The following CCDC138 variants were observed in gnomAD, a reference collection of about 807,000 sequenced individuals.
CCDC138 encodes the protein coiled-coil domain containing 138.
Under a neutral mutation model 82.3 loss-of-function variants are expected in CCDC138, and 66 were observed. The ratio of observed to expected loss-of-function variants is 0.80; its 90% CI spans 0.66 to 0.98. CCDC138 has a LOEUF of 0.98. Ranked by LOEUF, CCDC138 falls within the 50% of genes least tolerant of loss-of-function variation. The probability of loss-of-function intolerance (pLI) is 0.00; values close to 1 mark genes in which losing one functional copy is unlikely to be tolerated. For synonymous variants in CCDC138, 297 were observed against 265.4 expected (o/e 1.12, Z -1.16); for missense variants, 816 against 758.9 (o/e 1.08, Z -0.88).
chr2:108,840,952 C>T (rs1324415307), intron 11 of CCDC138, among the ~76,000 whole-genome samples: 1 of 152,116 alleles, frequency 6.6e-6, no homozygotes, highest in African/African-American at 2.4e-5. Flanking sequence ...GCTGGGATTA[C>T]AGATGCCCAC....
chr2:108,822,151 G>C (rs1022263410), intron 10 of CCDC138, among the ~76,000 whole-genome samples: 5 of 152,190 alleles, frequency 3.3e-5, no homozygotes, highest in African/African-American at 1.2e-4. Flanking sequence ...GAAAAGACTA[G>C]TAGTAGTAAT....
intron 13 of CCDC138, among the ~76,000 whole-genome samples, chr2:108,860,904 G>A (rs970479361): frequency 1.5e-5 from 2 of 129,434 alleles, no homozygotes; most frequent in African/African-American, 5.6e-5. Flanking sequence ...TCATCTGGTA[G>A]AATTTGGCTG....
At chr2:108,787,079 G>T (rs981075257) in intron 1 of CCDC138, among the ~76,000 whole-genome samples, 164 bp downstream of exon 1, 1 of 152,126 alleles carries the variant, frequency 6.6e-6, no homozygotes, top group Admixed American at 6.5e-5. Context: ...CGGGAGGGGC[G>T]GGCGTTGCGC....
chr2:108,834,510 T>C (rs1295495398), intron 10 of CCDC138, among the ~76,000 whole-genome samples: 1 of 152,208 alleles, frequency 6.6e-6, no homozygotes, highest in African/African-American at 2.4e-5. Context: ...CCACCATGCC[T>C]GGCCTGAAAA....
intron 10 of CCDC138, among the ~76,000 whole-genome samples, chr2:108,834,690 G>A (rs925424138): frequency 6.6e-6 from 1 of 152,078 alleles, no homozygotes; most frequent in Non-Finnish European, 1.5e-5. Flanking sequence ...AACCATCATC[G>A]CTATCAATTT....
intron 5 of CCDC138, among the ~76,000 whole-genome samples, chr2:108,797,155 G>A (rs1339439592): frequency 6.6e-6 from 1 of 152,096 alleles, no homozygotes; most frequent in Non-Finnish European, 1.5e-5. Flanking sequence ...ATATAATTAA[G>A]CAGAAAGGGT....
chr2:108,882,389 G>T (rs1006957022), intron 1 of CCDC138: 1 of 152,164 alleles, frequency 6.6e-6, no homozygotes, highest in Non-Finnish European at 1.5e-5. Context: ...AATTAGGTAT[G>T]CCTGTATGGA....
chr2:108,803,104 A>G (rs568238926), intron 6 of CCDC138, among the ~76,000 whole-genome samples: 4 of 152,302 alleles, frequency 2.6e-5, no homozygotes, highest in South Asian at 2.1e-4. Flanking sequence ...AGCTTTTGCT[A>G]TGCTGCTCTG....
intron 7 of CCDC138, 52 bp downstream of exon 7, chr2:108,805,060 T>C (rs773574332): frequency 2.0e-6 from 2 of 1,013,142 alleles, no homozygotes; most frequent in Non-Finnish European, 2.7e-6. Context: ...AGAAGTATAT[T>C]TTATATATAA....
In CCDC138 at chr2:108,861,963, T is replaced by A. The variant is rs562808165; in HGVS notation, c.1693+4993T>A. 3.3e-5 allele frequency among the ~76,000 whole-genome samples: 5 copies of A among 152,312 alleles called. No homozygotes were observed. In the South Asian group the frequency reaches 1.0e-3, roughly 32 times the overall value. ...AATTTTGTTGTTTACCCAAAAGTCA[T>A]TCGGGAGTAAATTCTTTAGTTTTCA... is the stretch of plus-strand genomic sequence containing the variant. On this transcript the variant is annotated intron_variant, in intron 13 of 14. Transcript: ENST00000295124.
intron 13 of CCDC138, among the ~76,000 whole-genome samples, chr2:108,859,580 G>A (rs1391287189): frequency 6.6e-6 from 1 of 151,714 alleles, no homozygotes; most frequent in Admixed American, 6.6e-5. Context: ...TTTGTATATT[G>A]TGATTTTCTT....
Position 108,846,947 on chromosome 2 carries a change from A to C in CCDC138, c.1516+17A>C. 7.4e-7 allele frequency: 1 copy of C among 1,359,614 alleles called. No homozygotes were observed. Among genetic ancestry groups the C allele is most frequent in the Non-Finnish European group, 1.0e-6 (1 of 964,042 alleles). The allele number at this position is 1,359,614 out of a possible 1,614,324, so 84.2% of individuals were successfully genotyped here. A position where few individuals can be genotyped will look rare whatever the true frequency, so the allele number is the denominator to read the frequency against. ...TCACTCAAGGTAAGCTTTCAATTGTACTTATGGTTAATTTTGAGAAACAAT... is the reference window on the plus strand; with the variant it reads ...TCACTCAAGGTAAGCTTTCAATTGTCCTTATGGTTAATTTTGAGAAACAAT... On this transcript the variant is annotated intron_variant, in intron 12 of 14. Coordinates refer to ENST00000295124, the MANE Select transcript of CCDC138 (RefSeq NM_144978.3).
At chr2:108,854,899 C>T (rs1360170660) in intron 12 of CCDC138, among the ~76,000 whole-genome samples, 1 of 152,074 alleles carries the variant, frequency 6.6e-6, no homozygotes, top group Non-Finnish European at 1.5e-5. Flanking sequence ...GCAGTTTCTG[C>T]AAAAGACTTT....
chr2:108,867,702 T>G, intron 13 of CCDC138, among the ~76,000 whole-genome samples: 1 of 152,222 alleles, frequency 6.6e-6, no homozygotes, highest in Non-Finnish European at 1.5e-5. Flanking sequence ...CTATTCATAC[T>G]ATTGCTTTTT....
intron 12 of CCDC138, among the ~76,000 whole-genome samples, chr2:108,849,045 T>G (rs936809165): frequency 2.0e-5 from 3 of 152,156 alleles, no homozygotes; most frequent in Non-Finnish European, 4.4e-5. Flanking sequence ...ATAAAAAGAC[T>G]TCAATCAGAT....
Position 108,812,651 on chromosome 2 carries a change from A to C in CCDC138, c.876A>C (p.Glu292Asp). The change falls in exon 8 of 15, where the codon GAA becomes GAC. Residue 292 changes from glutamate (E) to aspartate (D), a missense_variant. Coordinates refer to ENST00000295124, the MANE Select transcript of CCDC138 (RefSeq NM_144978.3). ...TTTAGTTAAATGAAGCAAGTGAAGAAAACAGGAAGATAGACATTCAGGCTA... is the reference window on the plus strand; with the variant it reads ...TTTAGTTAAATGAAGCAAGTGAAGACAACAGGAAGATAGACATTCAGGCTA... Reference protein sequence around the residue: ...LKKQLNEASEENRKIDIQAKR... With the variant: ...LKKQLNEASEDNRKIDIQAKR... 1 of 1,612,862 alleles carries C rather than the reference A, an allele frequency of 6.2e-7. No homozygotes were observed. Among genetic ancestry groups the C allele is most frequent in the Non-Finnish European group, 8.5e-7 (1 of 1,178,960 alleles).
At position 108,788,968 on chromosome 2, in the gene CCDC138, T is replaced by C; in HGVS notation, c.266+2T>C. ...ATTCAAGCACGTAAATGTGAATTGG[T>C]AAAGTACCCTGAAACTTTACTGTTG... On this transcript the variant is annotated splice_donor_variant, in intron 3 of 14. Coordinates refer to ENST00000295124, the MANE Select transcript of CCDC138 (RefSeq NM_144978.3). LOFTEE classifies it high-confidence loss of function. 6.2e-7 allele frequency: 1 copy of C among 1,613,836 alleles called. No homozygotes were observed. Among genetic ancestry groups the C allele is most frequent in the South Asian group, 1.1e-5 (1 of 91,022 alleles).
intron 10 of CCDC138, among the ~76,000 whole-genome samples, chr2:108,829,076 A>G (rs1687102857): frequency 6.6e-6 from 1 of 152,216 alleles, no homozygotes; most frequent in African/African-American, 2.4e-5. Flanking sequence ...TCTTCATGAT[A>G]TTAGATTTGG....
chr2:108,861,029 T>G (rs771890218), intron 13 of CCDC138, among the ~76,000 whole-genome samples: 4 of 140,456 alleles, frequency 2.8e-5, no homozygotes, highest in Non-Finnish European at 4.6e-5. Flanking sequence ...GGGTTTCAAT[T>G]TCTTCCTGAT....
Sources: gnomAD v4.1 joint callset for allele counts (sites outside exome capture counted in the v4.1 genomes callset) on GRCh38, gnomAD v4.1.1 for gene constraint, MANE v1.5 for transcripts, NCBI Gene and HGNC (gene_info 2026-07-23, HGNC 2026-07-21) for gene names.